Variants in GAB2 observed in about 807,000 individuals in gnomAD.
GAB2 encodes GRB2 associated binding protein 2.
A neutral mutation model predicts 65.5 loss-of-function variants in GAB2; 26 were observed. The ratio of observed to expected loss-of-function variants is 0.40; its 90% CI spans 0.29 to 0.55. GAB2 has a LOEUF of 0.55. Among genes scored for constraint, GAB2 ranks in the 20% least tolerant of loss-of-function variants. The pLI is 0.53. For missense variants in GAB2, 884 were observed against 875.8 expected (o/e 1.01, Z -0.12); for synonymous variants, 321 against 329.6 (o/e 0.97, Z 0.28).
chr11:78,399,499 G>C (rs1296839591), intron 1 of GAB2, among the ~76,000 whole-genome samples: 3 of 152,130 alleles, frequency 2.0e-5, no homozygotes, highest in African/African-American at 7.2e-5. Flanking sequence ...CCAGCGACTG[G>C]CCAAAGTCAT....
At chr11:78,232,142 G>C (rs1864866714) in intron 3 of GAB2, among the ~76,000 whole-genome samples, 1 of 152,222 alleles carries the variant, frequency 6.6e-6, no homozygotes, top group Non-Finnish European at 1.5e-5. Context: ...GTCAATCAAA[G>C]CCTCTGGTGA....
chr11:78,250,400 T>A lies in GAB2; in HGVS notation c.377A>T (p.Asp126Val). 1 of 1,611,496 alleles carries A rather than the reference T, an allele frequency of 6.2e-7. No individual in the cohort carries two copies. The highest frequency in any genetic ancestry group is 8.5e-7 in the Non-Finnish European group (1 of 1,178,724). Reference sequence around the variant, plus strand: ...GGCTGAGGAAACATTTCTCAGGGAGTCTGAAAAGGAGAAATAGCTCTGTGA... The same window carrying A: ...GGCTGAGGAAACATTTCTCAGGGAGACTGAAAAGGAGAAATAGCTCTGTGA... ...CGFNQAEESTDSLRNVSSAGH... is the reference protein window; with the variant it reads ...CGFNQAEESTVSLRNVSSAGH... The change falls in exon 3 of 10, where the codon GAC (aspartate) becomes GTC (valine). Residue 126 changes from aspartate (D) to valine (V), a missense_variant and splice_region_variant. Coordinates refer to ENST00000361507, the MANE Select transcript of GAB2 (RefSeq NM_080491.3).
At chr11:78,278,372 CT>C (rs943906201) in intron 2 of GAB2, among the ~76,000 whole-genome samples, 20 of 146,354 alleles carry the variant, frequency 1.4e-4, no homozygotes, top group East Asian at 2.0e-4. Context: ...GCCCAGTCTG[CT>C]TTTTTTTTTG....
At chr11:78,339,727 A>G (rs1210046677) in intron 1 of GAB2, among the ~76,000 whole-genome samples, 1 of 152,192 alleles carries the variant, frequency 6.6e-6, no homozygotes, top group Non-Finnish European at 1.5e-5. Flanking sequence ...CATCCCCTCT[A>G]CAGAGCTGAT....
At chr11:78,257,328 T>G (rs1865621006) in intron 2 of GAB2, among the ~76,000 whole-genome samples, 1 of 152,104 alleles carries the variant, frequency 6.6e-6, no homozygotes, top group Non-Finnish European at 1.5e-5. Flanking sequence ...CCCCAAAAAT[T>G]TATCCCCACC....
rs1277511611 is a variant in GAB2, at chr11:78,216,214, CACTTG to C, written c.*3053_*3057del. 15 of 152,560 alleles carry C rather than the reference CACTTG, an allele frequency of 9.8e-5. No individual in the cohort carries two copies. The highest frequency in any genetic ancestry group is 1.3e-4 in the Admixed American group (2 of 15,314). 9.5% of individuals were successfully genotyped at this position (152,560 alleles called of 1,614,324 possible). A position where few individuals can be genotyped will look rare whatever the true frequency, so the allele number is the denominator to read the frequency against. ...CCATCTCCCTATTTCTCATCGTTCT[CACTTG>C]ACTTAACCTTGCAGAAGTGGAGCTG... On this transcript the variant is annotated 3_prime_UTR_variant, in exon 10 of 10. Coordinates refer to ENST00000361507, the MANE Select transcript of GAB2 (RefSeq NM_080491.3).
chr11:78,259,051 T>C (rs1311991522), intron 2 of GAB2, among the ~76,000 whole-genome samples: 1 of 152,166 alleles, frequency 6.6e-6, no homozygotes, highest in Non-Finnish European at 1.5e-5. Flanking sequence ...TAGGCCCCTG[T>C]GCCTGTTGTT....
chr11:78,250,154 T>C lies in GAB2; in HGVS notation c.620+3A>G, dbSNP rs1590965959. ...CCACCTAATGGCTGTGGCAGCCTCC[T>C]ACCTTGCATTTTCTGCTCTTCGGCT... On this transcript the variant is annotated splice_donor_region_variant and intron_variant, in intron 3 of 9. Transcript: ENST00000361507. The C allele has an allele frequency of 6.2e-7, 1 of 1,612,626 alleles. No homozygotes were observed. The highest frequency in any genetic ancestry group is 8.5e-7 in the Non-Finnish European group (1 of 1,179,874).
At chr11:78,357,319 G>T (rs1205040128) in intron 1 of GAB2, among the ~76,000 whole-genome samples, 2 of 152,014 alleles carry the variant, frequency 1.3e-5, no homozygotes, top group Admixed American at 1.3e-4. Context: ...GCACTGAAAG[G>T]AACCATAAAA....
chr11:78,411,833 C>T (rs1230980032), intron 1 of GAB2, among the ~76,000 whole-genome samples: 1 of 151,806 alleles, frequency 6.6e-6, no homozygotes, highest in East Asian at 1.9e-4. Context: ...AGATTGAGAC[C>T]ATCCTGGCCA....
intron 1 of GAB2, among the ~76,000 whole-genome samples, chr11:78,386,613 C>A (rs1256575714): frequency 1.3e-5 from 2 of 152,118 alleles, no homozygotes; most frequent in Admixed American, 6.5e-5. Flanking sequence ...ACCCTATATG[C>A]CTGAATACTC....
At chr11:78,355,948 G>C (rs943535522) in intron 1 of GAB2, among the ~76,000 whole-genome samples, 1 of 151,838 alleles carries the variant, frequency 6.6e-6, no homozygotes, top group Non-Finnish European at 1.5e-5. Flanking sequence ...CGAGGCAGGT[G>C]GATCACTTGA....
intron 1 of GAB2, among the ~76,000 whole-genome samples, chr11:78,285,033 A>G (rs1866438685): frequency 6.6e-6 from 1 of 152,240 alleles, no homozygotes; most frequent in Non-Finnish European, 1.5e-5. Context: ...AAAAATAAGT[A>G]CTATTTATTT....
At chr11:78,247,959 G>A (rs922320416) in intron 3 of GAB2, among the ~76,000 whole-genome samples, 2 of 152,148 alleles carry the variant, frequency 1.3e-5, no homozygotes, top group African/African-American at 4.8e-5. Context: ...ACATGACTTG[G>A]TCAAAGGCCT....
At chr11:78,341,886 C>A in intron 1 of GAB2, 1 of 986,032 alleles carries the variant, frequency 1.0e-6, no homozygotes, top group East Asian at 1.1e-4. Context: ...ATTTCTGATC[C>A]AAGTTATCAT....
At chr11:78,294,932 T>TAC (rs1174493463) in intron 1 of GAB2, among the ~76,000 whole-genome samples, 7 of 152,174 alleles carry the variant, frequency 4.6e-5, no homozygotes, top group African/African-American at 9.7e-5. Flanking sequence ...CAAAAGAGAC[T>TAC]ACCATCAGAG....
At chr11:78,347,065 G>T (rs1856203415) in intron 1 of GAB2, among the ~76,000 whole-genome samples, 4 of 152,118 alleles carry the variant, frequency 2.6e-5, no homozygotes, top group Admixed American at 2.6e-4. Context: ...GTGATCTAAG[G>T]ATTAACTGTC....
At chr11:78,289,109 C>G (rs10899456) in intron 1 of GAB2, among the ~76,000 whole-genome samples, 31,893 of 152,122 alleles carry the variant, frequency 0.21, 3,626 homozygotes, top group East Asian at 0.4. Flanking sequence ...GCAATTCAAT[C>G]AAGAAAACAG....
At chr11:78,368,789 A>C (rs1415536823) in intron 1 of GAB2, among the ~76,000 whole-genome samples, 1 of 152,062 alleles carries the variant, frequency 6.6e-6, no homozygotes, top group African/African-American at 2.4e-5. Context: ...CTTTAAAGTC[A>C]GATAAGTCCA....
Sources: allele counts gnomAD v4.1 joint callset (sites outside exome capture counted in the v4.1 genomes callset), GRCh38; gene constraint gnomAD v4.1.1; transcripts MANE v1.5; gene names NCBI Gene and HGNC (gene_info 2026-07-23, HGNC 2026-07-21).